The following PNPLA7 variants were observed in gnomAD, a reference collection of about 807,000 sequenced individuals.
PNPLA7 encodes patatin-like phospholipase domain-containing protein 7.
In PNPLA7, 153 loss-of-function variants were observed where a neutral mutation model predicts 161.7. The observed-to-expected ratio is 0.95, with a 90% CI of 0.83 to 1.08. The LOEUF (loss-of-function observed/expected upper bound fraction) is 1.08. PNPLA7 is among the 50% of genes least tolerant of loss of function. PNPLA7 has a pLI of 0.00. For synonymous variants in PNPLA7, 809 were observed against 782.1 expected (o/e 1.03, Z -0.57); for missense variants, 1,739 against 1,856.6 (o/e 0.94, Z 1.16).
At chr9:137,502,694 G>GGGGGACGAGGGGGACGA (rs1833520985) in intron 14 of PNPLA7, among the ~76,000 whole-genome samples, 1 of 14,708 alleles carries the variant, frequency 6.8e-5, no homozygotes, top group Non-Finnish European at 1.1e-4. Context: ...GAGGGGGACG[G>GGGGGACGAGGGGGACGA]GGGGGACGCG....
rs184600894 is a variant in PNPLA7 at position 137,536,422 on chromosome 9, T to C, written c.747+4220A>G. On this transcript the variant is annotated intron_variant, in intron 8 of 34. Transcript: ENST00000406427. ...GACTGGGCAAGAGGATGGGGGCTCC[T>C]AGCAGGGGCGCTTCCCAGAGCAAAA... is the stretch of plus-strand genomic sequence containing the variant. Among the ~76,000 whole-genome samples, 911 of 152,044 alleles carry C rather than the reference T, an allele frequency of 6.0e-3. 8 individuals are homozygous for C. Among genetic ancestry groups the C allele is most frequent in the Non-Finnish European group, 7.2e-3 (486 of 67,970 alleles).
At chr9:137,531,317 A>G (rs1776771) in intron 8 of PNPLA7, among the ~76,000 whole-genome samples, 49,913 of 152,038 alleles carry the variant, frequency 0.33, 9,973 homozygotes, top group East Asian at 0.67. Context: ...GTGGGGAAAA[A>G]GAATAACAAC....
intron 8 of PNPLA7, among the ~76,000 whole-genome samples, chr9:137,536,415 G>C (rs1237434156): frequency 1.3e-5 from 2 of 152,026 alleles, no homozygotes; most frequent in African/African-American, 4.8e-5. Context: ...AAGAGGATGG[G>C]GGCTCCTAGC....
intron 8 of PNPLA7, among the ~76,000 whole-genome samples, chr9:137,528,513 C>T (rs978480967): frequency 6.6e-6 from 1 of 152,070 alleles, no homozygotes; most frequent in Admixed American, 6.6e-5. Context: ...AACTTCTGAC[C>T]TCAAGTGATG....
Position 137,490,671 on chromosome 9 carries a change from C to A in PNPLA7, c.2197+2342G>T, listed in dbSNP as rs1217205530. Reference sequence around the variant, plus strand: ...GACCTTCTCTGAAAGAACCGCTAACCACAATTCTTCAACAGCAAGGAGACG... The same window carrying A: ...GACCTTCTCTGAAAGAACCGCTAACAACAATTCTTCAACAGCAAGGAGACG... On this transcript the variant is annotated intron_variant, in intron 20 of 34. Transcript: ENST00000406427. The surrounding 1 kb of genome is among the most constrained non-coding windows in gnomAD (Gnocchi z 4.1). Among the ~76,000 whole-genome samples, 1 of 152,180 alleles carries A rather than the reference C, an allele frequency of 6.6e-6. No individual in the cohort carries two copies. Among genetic ancestry groups the A allele is most frequent in the Admixed American group, 6.5e-5 (1 of 15,272 alleles).
intron 17 of PNPLA7, 103 bp from the exon 18 acceptor site, chr9:137,497,413 C>A: frequency 1.8e-6 from 2 of 1,124,252 alleles, no homozygotes; most frequent in Non-Finnish European, 2.3e-6. Context: ...AAAGAAAATG[C>A]AGGCTTCTCA....
chr9:137,549,978 G>A (rs540467734), intron 1 of PNPLA7, among the ~76,000 whole-genome samples, 190 bp downstream of exon 1: 7 of 152,338 alleles, frequency 4.6e-5, no homozygotes, highest in East Asian at 3.9e-4. Flanking sequence ...TGACAGGCGC[G>A]TCTAACAAGT....
At chr9:137,494,438 C>T (rs1252377030) in intron 19 of PNPLA7, among the ~76,000 whole-genome samples, 2 of 152,194 alleles carry the variant, frequency 1.3e-5, no homozygotes, top group Admixed American at 6.5e-5. Flanking sequence ...CTCTAATCTT[C>T]ACCTCCTCCA....
intron 9 of PNPLA7, 45 bp from the exon 10 acceptor site, chr9:137,521,761 C>G: frequency 6.4e-7 from 1 of 1,562,542 alleles, no homozygotes; most frequent in Non-Finnish European, 8.7e-7. Context: ...GCCTGGGGTA[C>G]AGGGCGGGCC....
In PNPLA7 at chr9:137,524,751, G is replaced by A. The variant is rs554186157; in HGVS notation, c.748-1894C>T. Among the ~76,000 whole-genome samples the A allele has an allele frequency of 6.6e-6, 1 of 152,102 alleles. No homozygotes were observed. The highest frequency in any genetic ancestry group is 2.4e-5 in the African/African-American group (1 of 41,468). On this transcript the variant is annotated intron_variant, in intron 8 of 34. Transcript: ENST00000406427. This position sits in a 1 kb window ranked among gnomAD's most constrained non-coding sequence, Gnocchi z 4.4. Reference sequence around the variant, plus strand: ...CAGCAGCGAACGAGTTTCCGTGGATGCCCCGTGGAATGAGTTTCCGTGGAT... The same window carrying A: ...CAGCAGCGAACGAGTTTCCGTGGATACCCCGTGGAATGAGTTTCCGTGGAT...
At chr9:137,460,884 G>T in intron 33 of PNPLA7, 147 bp from the exon 34 acceptor site, 1 of 659,794 alleles carries the variant, frequency 1.5e-6, no homozygotes, top group Non-Finnish European at 2.6e-6. Context: ...CCTGGTCCCA[G>T]GGCAGCCCTG....
chr9:137,516,284 G>A lies in PNPLA7; in HGVS notation c.1085-765C>T, dbSNP rs192322338. 148 of 979,014 alleles carry A rather than the reference G, an allele frequency of 1.5e-4. No individual in the cohort carries two copies. In the African/African-American group the frequency reaches 2.4e-3, roughly 16 times the overall value. 60.6% of individuals were successfully genotyped at this position (979,014 alleles called of 1,614,324 possible). ...TCTGGGCTCGCCTGGGATGGGCCAC[G>A]CAGGGCTGCATCTGCCCCTCAGGTG... On this transcript the variant is annotated intron_variant, in intron 11 of 34. Coordinates refer to ENST00000406427, the MANE Select transcript of PNPLA7 (RefSeq NM_001098537.3).
intron 17 of PNPLA7, 63 bp downstream of exon 17, chr9:137,498,051 C>T (rs1833160133): frequency 3.2e-6 from 5 of 1,576,992 alleles, no homozygotes; most frequent in Non-Finnish European, 4.3e-6. Context: ...GTGCTTTGCC[C>T]ATCCCCAGCT....
chr9:137,477,010 G>A (rs369662082), intron 25 of PNPLA7, among the ~76,000 whole-genome samples: 15 of 152,246 alleles, frequency 9.9e-5, no homozygotes, highest in East Asian at 3.8e-4. Flanking sequence ...AGCTTTTCCC[G>A]GGGTAGCAGT....
At chr9:137,534,502 TC>T (rs1835782675) in intron 8 of PNPLA7, among the ~76,000 whole-genome samples, 1 of 151,878 alleles carries the variant, frequency 6.6e-6, no homozygotes, top group African/African-American at 2.4e-5. Flanking sequence ...CCCAGACTCC[TC>T]CCCCTCCTCC....
rs758266032 is a variant in PNPLA7, at chr9:137,490,349, G to A, written c.2197+2664C>T. On this transcript the variant is annotated intron_variant, in intron 20 of 34. Transcript: ENST00000406427. This position sits in a 1 kb window ranked among gnomAD's most constrained non-coding sequence, Gnocchi z 4.1. Reference sequence around the variant, plus strand: ...TGGGCTCAAATAATCCTCCTGTCTCGGCCTCCCAAAGTGCTGGGATGAGGT... The same window carrying A: ...TGGGCTCAAATAATCCTCCTGTCTCAGCCTCCCAAAGTGCTGGGATGAGGT... 2.6e-5 allele frequency among the ~76,000 whole-genome samples: 4 copies of A among 152,066 alleles called. No homozygotes were observed. Among genetic ancestry groups the A allele is most frequent in the East Asian group, 1.9e-4 (1 of 5,194 alleles).
At chr9:137,517,678 T>A (rs201365424) in intron 11 of PNPLA7, among the ~76,000 whole-genome samples, 322 of 34,668 alleles carry the variant, frequency 9.3e-3, no homozygotes, top group African/African-American at 0.022. Flanking sequence ...ACTCCATCCC[T>A]CACTCACTCA....
At chr9:137,546,570 G>A (rs1224092828) in intron 4 of PNPLA7, among the ~76,000 whole-genome samples, 1 of 152,196 alleles carries the variant, frequency 6.6e-6, no homozygotes, top group Non-Finnish European at 1.5e-5. Flanking sequence ...CTCCAGGCCA[G>A]GGGGAGTAGA....
chr9:137,473,247 G>A (rs1184301384), intron 25 of PNPLA7, among the ~76,000 whole-genome samples: 2 of 152,158 alleles, frequency 1.3e-5, no homozygotes, highest in Non-Finnish European at 1.5e-5. Context: ...TGGGGACATG[G>A]CCAAACCATA....
Sources: allele counts gnomAD v4.1 joint callset (sites outside exome capture counted in the v4.1 genomes callset), GRCh38; gene constraint gnomAD v4.1.1; non-coding constraint Gnocchi (gnomAD v3.1); transcripts MANE v1.5; gene names NCBI Gene and HGNC (gene_info 2026-07-23, HGNC 2026-07-21).